RORA: variants seen among roughly 807,000 people sequenced by gnomAD.
The protein encoded by RORA is nuclear receptor ROR-alpha.
RORA carries 7 observed loss-of-function variants against 69.5 expected under a neutral mutation model. The observed-to-expected ratio is 0.10, with a 90% CI of 0.06 to 0.19. RORA has a LOEUF of 0.19. Ranked by LOEUF, RORA falls within the 10% of genes least tolerant of loss-of-function variation. The probability of loss-of-function intolerance (pLI) is 1.00; values close to 1 mark genes in which losing one functional copy is unlikely to be tolerated. For synonymous variants in RORA, 261 were observed against 240.8 expected (o/e 1.08, Z -0.78); for missense variants, 457 against 663.0 (o/e 0.69, Z 3.41).
At chr15:61,153,688 C>T (rs755853259) in intron 1 of RORA, among the ~76,000 whole-genome samples, 7 of 152,152 alleles carry the variant, frequency 4.6e-5, no homozygotes, top group Non-Finnish European at 7.4e-5. Context: ...AATGTTCTTC[C>T]GGCTCTAAAA....
At chr15:61,216,868 GC>G (rs2140943112) in intron 1 of RORA, among the ~76,000 whole-genome samples, 1 of 152,232 alleles carries the variant, frequency 6.6e-6, no homozygotes, top group South Asian at 2.1e-4. Context: ...CTGGGTCTTG[GC>G]CCAGGTCTGT....
At chr15:60,880,539 T>C (rs2073667575) in intron 1 of RORA, among the ~76,000 whole-genome samples, 1 of 152,148 alleles carries the variant, frequency 6.6e-6, no homozygotes, top group Admixed American at 6.5e-5. Context: ...CTCAGCAGGC[T>C]GAGGCAGGAG....
intron 1 of RORA, among the ~76,000 whole-genome samples, chr15:60,937,205 G>GC (rs1315416341): frequency 6.6e-6 from 1 of 152,176 alleles, no homozygotes; most frequent in Non-Finnish European, 1.5e-5. Context: ...AACTCAACCT[G>GC]CCCCCTCTGA....
intron 3 of RORA, among the ~76,000 whole-genome samples, chr15:60,521,243 T>A (rs1222539665): frequency 7.1e-6 from 1 of 140,282 alleles, no homozygotes; most frequent in Non-Finnish European, 1.5e-5. Flanking sequence ...AGAAAAAAAT[T>A]GTCATTTTTT....
chr15:60,498,364 G>C (rs1432074360), intron 10 of RORA, among the ~76,000 whole-genome samples: 2 of 152,146 alleles, frequency 1.3e-5, no homozygotes, highest in African/African-American at 2.4e-5. Flanking sequence ...AACTGGAAGT[G>C]ATGGCATCCT....
intron 2 of RORA, among the ~76,000 whole-genome samples, chr15:60,580,293 T>A (rs969959149): frequency 6.6e-6 from 1 of 152,170 alleles, no homozygotes; most frequent in African/African-American, 2.4e-5. Context: ...ACCTGTTAAG[T>A]AATGCACACC....
At chr15:60,871,568 T>C (rs571625680) in intron 1 of RORA, among the ~76,000 whole-genome samples, 2 of 152,328 alleles carry the variant, frequency 1.3e-5, no homozygotes, top group South Asian at 4.1e-4. Flanking sequence ...GTGGGAGCCA[T>C]TCAACCTAGG....
intron 1 of RORA, among the ~76,000 whole-genome samples, chr15:60,717,332 G>C (rs1399662033): frequency 8.5e-5 from 13 of 152,200 alleles, no homozygotes; most frequent in Non-Finnish European, 1.3e-4. Flanking sequence ...ATAAATGAGA[G>C]AATGTACAGC....
In RORA at chr15:60,755,410, G is replaced by A. The variant is rs983570419; in HGVS notation, c.167-76724C>T. Among the ~76,000 whole-genome samples, 4 of 152,086 alleles carry A rather than the reference G, an allele frequency of 2.6e-5. No individual in the cohort carries two copies. The East Asian group carries it at 7.7e-4, about 29-fold the overall frequency. On this transcript the variant is annotated intron_variant, in intron 1 of 10. Coordinates refer to ENST00000335670, the MANE Select transcript of RORA (RefSeq NM_134261.3). The stretch of plus-strand genomic sequence containing the variant: ...TGTCGGACATTTGGGTTGGTTCCAA[G>A]TCTTTGCTATTGTGAATAGTGCCGC...
At chr15:60,838,200 A>G (rs2073144639) in intron 1 of RORA, among the ~76,000 whole-genome samples, 2 of 152,080 alleles carry the variant, frequency 1.3e-5, no homozygotes, top group Non-Finnish European at 2.9e-5. Flanking sequence ...CCTACTCTCC[A>G]GCATGCTGTT....
intron 2 of RORA, among the ~76,000 whole-genome samples, chr15:60,608,209 G>A (rs960350680): frequency 1.3e-5 from 2 of 152,204 alleles, no homozygotes; most frequent in Admixed American, 6.5e-5. Flanking sequence ...AGACATGGAC[G>A]CGGAGCTCAG....
intron 2 of RORA, among the ~76,000 whole-genome samples, chr15:60,677,537 A>C (rs954014853): frequency 6.6e-6 from 1 of 151,404 alleles, no homozygotes; most frequent in South Asian, 2.1e-4. Flanking sequence ...GGGCCCTCAG[A>C]GTCAGGCAAC....
At chr15:61,056,160 ATGACATTGTCAATAG>A (rs1218298941) in intron 1 of RORA, among the ~76,000 whole-genome samples, 4 of 152,240 alleles carry the variant, frequency 2.6e-5, no homozygotes, top group Admixed American at 2.0e-4. Context: ...AAACCAGGAA[ATGACATTGTCAATAG>A]TGAGCACCCG....
intron 1 of RORA, among the ~76,000 whole-genome samples, chr15:61,139,090 G>A (rs2079273028): frequency 6.6e-6 from 1 of 151,728 alleles, no homozygotes; most frequent in South Asian, 2.1e-4. Context: ...CTTGCAGTGA[G>A]CCAAGATCGC....
At chr15:61,015,938 C>T (rs968522802) in intron 1 of RORA, among the ~76,000 whole-genome samples, 12 of 152,136 alleles carry the variant, frequency 7.9e-5, no homozygotes, top group African/African-American at 2.7e-4. Flanking sequence ...ACACAGTTTA[C>T]GTGGAATATG....
chr15:60,696,063 TG>T (rs2070899929), intron 1 of RORA, among the ~76,000 whole-genome samples: 1 of 152,236 alleles, frequency 6.6e-6, no homozygotes, highest in Non-Finnish European at 1.5e-5. Flanking sequence ...TGAGCCTTAC[TG>T]TAAGTCATCA....
At chr15:61,078,844 G>T (rs559143206) in intron 1 of RORA, among the ~76,000 whole-genome samples, 1 of 151,988 alleles carries the variant, frequency 6.6e-6, no homozygotes, top group East Asian at 1.9e-4. Flanking sequence ...ATGGAATCAG[G>T]GGCTTAAATG....
intron 1 of RORA, among the ~76,000 whole-genome samples, chr15:61,047,558 G>C (rs563383943): frequency 6.6e-5 from 10 of 152,098 alleles, no homozygotes; most frequent in Non-Finnish European, 1.5e-4. Context: ...CTCTTCCCTT[G>C]TTCTTGAGAC....
chr15:61,076,405 CA>C (rs5813067), intron 1 of RORA, among the ~76,000 whole-genome samples: 20 of 142,032 alleles, frequency 1.4e-4, no homozygotes, highest in Admixed American at 3.6e-4. Flanking sequence ...TTGATCATCT[CA>C]AAAAAAAAAA....
Sources: allele counts gnomAD v4.1 joint callset (sites outside exome capture counted in the v4.1 genomes callset), GRCh38; gene constraint gnomAD v4.1.1; transcripts MANE v1.5; gene names NCBI Gene and HGNC (gene_info 2026-07-23, HGNC 2026-07-21).